TSHZ1: variants seen among roughly 807,000 people sequenced by gnomAD.
TSHZ1 encodes teashirt homolog 1.
TSHZ1 carries 12 observed loss-of-function variants against 67.1 expected under a neutral mutation model. That is an observed-to-expected ratio of 0.18 (90% CI 0.11 to 0.29). TSHZ1 has a LOEUF of 0.29. TSHZ1 is among the 10% of genes least tolerant of loss of function. The probability of loss-of-function intolerance (pLI) is 1.00; values close to 1 mark genes in which losing one functional copy is unlikely to be tolerated. For synonymous variants in TSHZ1, 632 were observed against 622.4 expected, an observed-to-expected ratio of 1.02 and a Z score of -0.23; for missense variants, 1,305 against 1,413.9, an observed-to-expected ratio of 0.92 and a Z score of 1.23.
chr18:75,213,679 G>A (rs1015300175), intron 1 of TSHZ1, among the ~76,000 whole-genome samples: 3 of 151,818 alleles, frequency 2.0e-5, no homozygotes, highest in African/African-American at 7.3e-5. Context: ...GATGGTGCAT[G>A]GTAATCCATC....
At chr18:75,272,746 A>G (rs898940988) in intron 1 of TSHZ1, among the ~76,000 whole-genome samples, 1 of 152,196 alleles carries the variant, frequency 6.6e-6, no homozygotes, top group Non-Finnish European at 1.5e-5. Context: ...TGTCAATCCA[A>G]GTATGTTAAT....
At position 75,274,143 on chromosome 18, in the gene TSHZ1, G is replaced by A. The variant is rs58486072; in HGVS notation, c.41-11305G>A. On this transcript the variant is annotated intron_variant, in intron 1 of 1. Coordinates refer to ENST00000580243, the MANE Select transcript of TSHZ1 (RefSeq NM_001308210.2). ...ACACTGTCACATTCTGCACCATCGT[G>A]CTAGGCTCAGGAAGGGTGGGGGAGT... is the stretch of plus-strand genomic sequence containing the variant. Among the ~76,000 whole-genome samples, 894 of 152,286 alleles carry A rather than the reference G, an allele frequency of 5.9e-3. 8 individuals are homozygous for A. Among genetic ancestry groups the A allele is most frequent in the African/African-American group, 0.02 (834 of 41,552 alleles).
chr18:75,277,139 C>T (rs767346635), intron 1 of TSHZ1, among the ~76,000 whole-genome samples: 22 of 152,318 alleles, frequency 1.4e-4, no homozygotes, highest in East Asian at 3.9e-4. Flanking sequence ...AGGGCCCAGC[C>T]GGTCCATGGC....
intron 1 of TSHZ1, among the ~76,000 whole-genome samples, chr18:75,241,299 A>G (rs2023152972): frequency 6.6e-6 from 1 of 151,742 alleles, no homozygotes; most frequent in African/African-American, 2.4e-5. Context: ...TAGAAGAGCT[A>G]TGCTATCTCT....
chr18:75,247,593 G>T (rs547650269), intron 1 of TSHZ1, among the ~76,000 whole-genome samples: 74 of 152,274 alleles, frequency 4.9e-4, no homozygotes, highest in Non-Finnish European at 9.3e-4. Flanking sequence ...ATGAGAACTG[G>T]TGCCTACATT....
At chr18:75,240,419 A>G (rs139525002) in intron 1 of TSHZ1, among the ~76,000 whole-genome samples, 1,982 of 151,328 alleles carry the variant, frequency 0.013, 17 homozygotes, top group South Asian at 0.022. Flanking sequence ...AGTTATATAG[A>G]TAATTGTGAA....
chr18:75,240,621 C>A (rs1318922415), intron 1 of TSHZ1, among the ~76,000 whole-genome samples: 10 of 152,192 alleles, frequency 6.6e-5, no homozygotes, highest in Non-Finnish European at 1.3e-4. Context: ...GTAGCAGCAG[C>A]ACAAGTTCCT....
chr18:75,221,753 AC>A (rs2022848277), intron 1 of TSHZ1, among the ~76,000 whole-genome samples: 1 of 152,118 alleles, frequency 6.6e-6, no homozygotes, highest in South Asian at 2.1e-4. Context: ...TAACAGTAAA[AC>A]ATGTCTGTTT....
intron 1 of TSHZ1, among the ~76,000 whole-genome samples, chr18:75,216,791 G>C (rs1259284756): frequency 6.6e-6 from 1 of 152,034 alleles, no homozygotes; most frequent in Admixed American, 6.5e-5. Context: ...TCAACAGAGA[G>C]CAGGGAGGAG....
At chr18:75,255,868 T>G (rs1317779719) in intron 1 of TSHZ1, among the ~76,000 whole-genome samples, 3 of 152,228 alleles carry the variant, frequency 2.0e-5, no homozygotes, top group Non-Finnish European at 4.4e-5. Flanking sequence ...AAATTAACAT[T>G]TGTACTTATG....
chr18:75,238,965 C>T (rs1295034491), intron 1 of TSHZ1, among the ~76,000 whole-genome samples: 5 of 152,246 alleles, frequency 3.3e-5, no homozygotes, highest in African/African-American at 9.6e-5. Flanking sequence ...CCTGGCCTCA[C>T]GCACTGTCCA....
chr18:75,251,715 G>A (rs2023306941), intron 1 of TSHZ1, among the ~76,000 whole-genome samples: 1 of 152,040 alleles, frequency 6.6e-6, no homozygotes, highest in African/African-American at 2.4e-5. Flanking sequence ...CGTGAGGGGG[G>A]AGCAATTTTT....
At chr18:75,239,914 A>C (rs921611947) in intron 1 of TSHZ1, among the ~76,000 whole-genome samples, 8 of 152,346 alleles carry the variant, frequency 5.3e-5, no homozygotes, top group Non-Finnish European at 7.3e-5. Context: ...GCAGCCCAGC[A>C]TGCTTCCACC....
intron 1 of TSHZ1, among the ~76,000 whole-genome samples, chr18:75,231,028 T>A (rs572019756): frequency 6.6e-6 from 1 of 152,364 alleles, no homozygotes; most frequent in East Asian, 1.9e-4. Flanking sequence ...TCAATGTGCA[T>A]CCCAGGCTGG....
intron 1 of TSHZ1, among the ~76,000 whole-genome samples, chr18:75,248,470 C>T (rs1353681882): frequency 6.6e-6 from 1 of 152,172 alleles, no homozygotes; most frequent in Non-Finnish European, 1.5e-5. Flanking sequence ...TTTAGATACT[C>T]TTATCATTAT....
chr18:75,256,139 G>A (rs377371619), intron 1 of TSHZ1, among the ~76,000 whole-genome samples: 2 of 152,194 alleles, frequency 1.3e-5, no homozygotes, highest in African/African-American at 4.8e-5. Context: ...TATTATCAAT[G>A]TAACTATGCA....
chr18:75,279,635 G>A (rs936038210), intron 1 of TSHZ1, among the ~76,000 whole-genome samples: 1 of 152,232 alleles, frequency 6.6e-6, no homozygotes. Flanking sequence ...GAGCAGCCCA[G>A]GACAGCCTCT....
chr18:75,233,115 C>A lies in TSHZ1; in HGVS notation c.40+21199C>A, dbSNP rs1184682595. ...ACAGCCTCAGCAGCTCTGGAACTCC[C>A]GGCTGCTGTCATAGTTTTCTGTGTC... On this transcript the variant is annotated intron_variant, in intron 1 of 1. Transcript: ENST00000580243. 4.6e-5 allele frequency among the ~76,000 whole-genome samples: 7 copies of A among 152,334 alleles called. No individual in the cohort carries two copies. In the East Asian group the frequency reaches 1.4e-3, roughly 29 times the overall value.
chr18:75,247,655 A>AT (rs1818165367), intron 1 of TSHZ1, among the ~76,000 whole-genome samples: 1 of 152,144 alleles, frequency 6.6e-6, no homozygotes, highest in African/African-American at 2.4e-5. Flanking sequence ...AGGTGAAGCC[A>AT]TTTTTGTAAT....
Sources: gnomAD v4.1 joint callset for allele counts (sites outside exome capture counted in the v4.1 genomes callset) on GRCh38, gnomAD v4.1.1 for gene constraint, MANE v1.5 for transcripts, NCBI Gene and HGNC (gene_info 2026-07-23, HGNC 2026-07-21) for gene names.